Variants in PRKCZ observed in about 807,000 individuals in gnomAD.
PRKCZ encodes the protein protein kinase C zeta type.
A neutral mutation model predicts 79.5 loss-of-function variants in PRKCZ; 33 were observed. That is an observed-to-expected ratio of 0.41 (90% CI 0.31 to 0.55). The LOEUF (loss-of-function observed/expected upper bound fraction) is 0.55. Among genes scored for constraint, PRKCZ ranks in the 20% least tolerant of loss-of-function variants. The pLI is 0.19. For synonymous variants in PRKCZ, 342 were observed against 320.9 expected, an observed-to-expected ratio of 1.07 and a Z score of -0.70; for missense variants, 578 against 813.5, an observed-to-expected ratio of 0.71 and a Z score of 3.52.
Position 2,128,742 on chromosome 1 carries a change from G to A in PRKCZ, c.335-6520G>A, listed in dbSNP as rs1360189469. Among the ~76,000 whole-genome samples, 2 of 152,132 alleles carry A rather than the reference G, an allele frequency of 1.3e-5. No individual in the cohort carries two copies. The highest frequency in any genetic ancestry group is 6.5e-5 in the Admixed American group (1 of 15,270). ...AAAGCCTGACCCGTGTGGCTGCACC[G>A]TCCACTGTGCGCTGTCCACTGCAGG... On this transcript the variant is annotated intron_variant, in intron 4 of 17. Transcript: ENST00000378567. This position sits in a 1 kb window ranked among gnomAD's most constrained non-coding sequence, Gnocchi z 6.5.
At chr1:2,164,418 C>T (rs528684634) in intron 10 of PRKCZ, among the ~76,000 whole-genome samples, 1 of 152,358 alleles carries the variant, frequency 6.6e-6, no homozygotes, top group South Asian at 2.1e-4. Flanking sequence ...TGTCGGGGGA[C>T]TCTGCAGTGT....
intron 2 of PRKCZ, 86 bp from the exon 3 acceptor site, chr1:2,056,398 C>T: frequency 1.6e-6 from 2 of 1,246,964 alleles, no homozygotes; most frequent in South Asian, 1.5e-5. Context: ...CCACCAGACC[C>T]TTGTCTGGTG....
In PRKCZ at chr1:2,073,906, T is replaced by C. The variant is rs1661893880; in HGVS notation, c.334+14315T>C. The C allele has an allele frequency of 5.5e-6, 7 of 1,284,144 alleles. No individual in the cohort carries two copies. The Middle Eastern group carries it at 9.3e-4, about 171-fold the overall frequency. 79.5% of individuals were successfully genotyped at this position (1,284,144 alleles called of 1,614,324 possible). On this transcript the variant is annotated intron_variant, in intron 4 of 17. Coordinates refer to ENST00000378567, the MANE Select transcript of PRKCZ (RefSeq NM_002744.6). ...CGCACAGAGCATAAAGAATCTGCGCTGAGGAGGCAGGAGAAGAAAGCCGGT... is the reference window on the plus strand; with the variant it reads ...CGCACAGAGCATAAAGAATCTGCGCCGAGGAGGCAGGAGAAGAAAGCCGGT...
intron 4 of PRKCZ, among the ~76,000 whole-genome samples, chr1:2,121,583 G>GATCA (rs1469090044): frequency 6.2e-5 from 2 of 32,436 alleles, no homozygotes; most frequent in African/African-American, 1.2e-4. Context: ...GGGTGATGGT[G>GATCA]GTAGTTAAGG....
At chr1:2,122,161 TTAG>T (rs1571574935) in intron 4 of PRKCZ, among the ~76,000 whole-genome samples, 1 of 8,506 alleles carries the variant, frequency 1.2e-4, no homozygotes, top group African/African-American at 6.0e-4. Flanking sequence ...GTCGTGGTGG[TTAG>T]GGTCGTGGTG....
At chr1:2,131,184 G>C (rs746456899) in intron 4 of PRKCZ, among the ~76,000 whole-genome samples, 1 of 152,228 alleles carries the variant, frequency 6.6e-6, no homozygotes. Context: ...GGAGCTGACT[G>C]CCGGGTGCCA....
At chr1:2,137,734 G>A (rs189284406) in intron 5 of PRKCZ, among the ~76,000 whole-genome samples, 6 of 152,318 alleles carry the variant, frequency 3.9e-5, no homozygotes, top group South Asian at 2.1e-4. Flanking sequence ...CCATTCTGCC[G>A]ATGGCAGGTG....
chr1:2,051,726 G>C (rs1659680787), intron 1 of PRKCZ, among the ~76,000 whole-genome samples: 1 of 152,160 alleles, frequency 6.6e-6, no homozygotes, highest in South Asian at 2.1e-4. Flanking sequence ...CAGTGCCCCG[G>C]GGGTCTCTAT....
chr1:2,101,565 A>G (rs892816013), intron 4 of PRKCZ, among the ~76,000 whole-genome samples: 1 of 152,234 alleles, frequency 6.6e-6, no homozygotes, highest in Non-Finnish European at 1.5e-5. Context: ...ACCATCAGCC[A>G]GTCTGCGTTC....
In PRKCZ at chr1:2,173,383, TC is replaced by T. The variant is rs371477951; in HGVS notation, c.1286-512del. ...CACCTCAGCAGGGACCAGGGGGACTTCCGGGGACGCAGAGACAGCTGCTGTC... is the reference window on the plus strand; with the variant it reads ...CACCTCAGCAGGGACCAGGGGGACTTCGGGGACGCAGAGACAGCTGCTGTC... On this transcript the variant is annotated intron_variant, in intron 13 of 17. Coordinates refer to ENST00000378567, the MANE Select transcript of PRKCZ (RefSeq NM_002744.6). The surrounding 1 kb of genome is among the most constrained non-coding windows in gnomAD (Gnocchi z 5.7). Among the ~76,000 whole-genome samples, 2 of 152,028 alleles carry T rather than the reference TC, an allele frequency of 1.3e-5. No homozygotes were observed. The highest frequency in any genetic ancestry group is 1.3e-4 in the Admixed American group (2 of 15,262).
chr1:2,130,801 T>C (rs574727285), intron 4 of PRKCZ, among the ~76,000 whole-genome samples: 1 of 152,166 alleles, frequency 6.6e-6, no homozygotes, highest in Non-Finnish European at 1.5e-5. Flanking sequence ...AGGATAACAT[T>C]TGACCAGCCG....
intron 5 of PRKCZ, among the ~76,000 whole-genome samples, chr1:2,137,455 G>A (rs1487749747): frequency 2.0e-5 from 3 of 152,154 alleles, no homozygotes; most frequent in East Asian, 3.9e-4. Context: ...CAGTCAAGTC[G>A]GCGCCTGGTG....
At chr1:2,140,106 G>A (rs1677017295) in intron 5 of PRKCZ, among the ~76,000 whole-genome samples, 1 of 152,252 alleles carries the variant, frequency 6.6e-6, no homozygotes, top group African/African-American at 2.4e-5. Flanking sequence ...ATGAGCAGCA[G>A]TGCCTGTCAG....
rs992036662 is a variant in PRKCZ, at chr1:2,125,552, C to T, written c.335-9710C>T. The stretch of plus-strand genomic sequence containing the variant: ...ACCCCTGCTCCCCTGAGGAGGGAGG[C>T]GTGGGGCCCTGGGCTGGCTGCAAGA... On this transcript the variant is annotated intron_variant, in intron 4 of 17. Transcript: ENST00000378567. The surrounding 1 kb of genome is among the most constrained non-coding windows in gnomAD (Gnocchi z 4.2). Among the ~76,000 whole-genome samples the T allele has an allele frequency of 3.3e-5, 5 of 152,200 alleles. No individual in the cohort carries two copies. Among genetic ancestry groups the T allele is most frequent in the East Asian group, 3.9e-4 (2 of 5,178 alleles).
At chr1:2,068,655 C>T (rs895264672) in intron 4 of PRKCZ, among the ~76,000 whole-genome samples, 1 of 152,212 alleles carries the variant, frequency 6.6e-6, no homozygotes, top group African/African-American at 2.4e-5. Flanking sequence ...CCATCCTCAA[C>T]GCACCACAGT....
chr1:2,114,251 C>T (rs536833734), intron 4 of PRKCZ, among the ~76,000 whole-genome samples: 19 of 151,462 alleles, frequency 1.3e-4, no homozygotes, highest in South Asian at 2.1e-4. Flanking sequence ...AACGTGCTCT[C>T]CAGGGATCTG....
At position 2,052,526 on chromosome 1, in the gene PRKCZ, C is replaced by T. The variant is rs1156507491; in HGVS notation, c.71+1825C>T. Among the ~76,000 whole-genome samples, 6 of 151,940 alleles carry T rather than the reference C, an allele frequency of 3.9e-5. No homozygotes were observed. The East Asian group carries it at 7.8e-4, about 20-fold the overall frequency. On this transcript the variant is annotated intron_variant, in intron 1 of 17. Coordinates refer to ENST00000378567, the MANE Select transcript of PRKCZ (RefSeq NM_002744.6). Reference sequence around the variant, plus strand: ...CTCTTCCTTCACCTTCCTCCCCCTTCTAGGGCACGTCTCCCCTCTGGCTCT... The same window carrying T: ...CTCTTCCTTCACCTTCCTCCCCCTTTTAGGGCACGTCTCCCCTCTGGCTCT...
chr1:2,051,688 A>G (rs1659674444), intron 1 of PRKCZ, among the ~76,000 whole-genome samples: 1 of 152,084 alleles, frequency 6.6e-6, no homozygotes, highest in Admixed American at 6.5e-5. Flanking sequence ...GGCGGGTGAC[A>G]ACTTCCCCGG....
intron 1 of PRKCZ, among the ~76,000 whole-genome samples, chr1:2,053,188 C>T (rs371817661): frequency 7.2e-5 from 11 of 151,820 alleles, no homozygotes; most frequent in African/African-American, 2.7e-4. Flanking sequence ...GTATCCTTCA[C>T]CTCCGAGGTT....
Sources: gnomAD v4.1 joint callset for allele counts (sites outside exome capture counted in the v4.1 genomes callset) on GRCh38, gnomAD v4.1.1 for gene constraint, Gnocchi (gnomAD v3.1) non-coding constraint, MANE v1.5 for transcripts, NCBI Gene and HGNC (gene_info 2026-07-23, HGNC 2026-07-21) for gene names.